ADSS1: variants seen among roughly 807,000 people sequenced by gnomAD.
ADSS1 encodes adenylosuccinate synthase 1, also known as adenylosuccinate synthetase isozyme 1.
ADSS1 carries 57 observed loss-of-function variants against 59.1 expected under a neutral mutation model. That is an observed-to-expected ratio of 0.97 (90% CI 0.78 to 1.20). ADSS1 has a LOEUF of 1.20. ADSS1 is among the 50% of genes most tolerant of loss of function. The probability of loss-of-function intolerance (pLI) is 0.00; values close to 1 mark genes in which losing one functional copy is unlikely to be tolerated. For missense variants in ADSS1, 603 were observed against 610.3 expected, an observed-to-expected ratio of 0.99 and a Z score of 0.13; for synonymous variants, 247 against 249.4, an observed-to-expected ratio of 0.99 and a Z score of 0.09.
rs928510188 is a variant in ADSS1, at chr14:104,744,823, C to T, written c.1085C>T (p.Thr362Met). 6 of 1,614,156 alleles carry T rather than the reference C, an allele frequency of 3.7e-6. No homozygotes were observed. Among genetic ancestry groups the T allele is most frequent in the South Asian group, 1.1e-5 (1 of 91,074 alleles). The change falls in exon 11 of 13, where the codon ACG becomes ATG. Residue 362 changes from threonine (T) to methionine (M), a missense_variant. Physicochemically the swap from Thr to Met is moderately conservative, Grantham distance 81. Coordinates refer to ENST00000330877, the MANE Select transcript of ADSS1 (RefSeq NM_152328.5). ...TTGGCTTTCCACAGGCTGGCCCTGA[C>T]GAAGCTGGACATCCTGGACGTACTG... The part of the protein sequence containing the change: ...MVNGFTALAL[T>M]KLDILDVLGE...
intron 2 of ADSS1, among the ~76,000 whole-genome samples, chr14:104,736,881 G>GACTATATATATATATATAT (rs1555378550): frequency 9.4e-6 from 1 of 106,588 alleles, no homozygotes; most frequent in African/African-American, 3.6e-5. Flanking sequence ...GCACCTAGCT[G>GACTATATATATATATATAT]ATATATATAT....
At chr14:104,742,638 G>A (rs1234916192) in intron 9 of ADSS1, among the ~76,000 whole-genome samples, 1 of 152,248 alleles carries the variant, frequency 6.6e-6, no homozygotes, top group Non-Finnish European at 1.5e-5. Flanking sequence ...GGGAGGGGCG[G>A]ACGCCATCCA....
intron 1 of ADSS1, among the ~76,000 whole-genome samples, chr14:104,728,716 C>T (rs1890791582): frequency 6.6e-6 from 1 of 152,208 alleles, no homozygotes; most frequent in South Asian, 2.1e-4. Flanking sequence ...AAAGCACCGC[C>T]GGCCTCCCCC....
chr14:104,742,957 C>A (rs878944816), intron 9 of ADSS1, 110 bp from the exon 10 acceptor site: 102 of 1,499,706 alleles, frequency 6.8e-5, no homozygotes, highest in Non-Finnish European at 8.7e-5. Flanking sequence ...GGAGGCGGGG[C>A]ACCCTCAGGG....
rs1009386029 is a variant in ADSS1 at position 104,724,557 on chromosome 14, A to C, written c.192+95A>C. On this transcript the variant is annotated intron_variant, in intron 1 of 12. Coordinates refer to ENST00000330877, the MANE Select transcript of ADSS1 (RefSeq NM_152328.5). ...CTGTCCTCCCATGCCCTGGCCGGTC[A>C]CTCACCCGCTTGGATGCCTTCCTTC... 3.0e-5 allele frequency: 36 copies of C among 1,195,378 alleles called. No individual in the cohort carries two copies. The African/African-American group carries it at 6.5e-4, about 22-fold the overall frequency. 74.0% of individuals were successfully genotyped at this position (1,195,378 alleles called of 1,614,324 possible).
chr14:104,747,029 G>T lies in ADSS1; in HGVS notation c.*26G>T. The T allele has an allele frequency of 6.2e-7, 1 of 1,603,208 alleles. No individual in the cohort carries two copies. The highest frequency in any genetic ancestry group is 1.3e-5 in the African/African-American group (1 of 74,864). ...TCACAGACTGAGCTGATCCCAACAG[G>T]CCCTGGCAGCGTCTGGACTTGTGTA... On this transcript the variant is annotated 3_prime_UTR_variant, in exon 13 of 13. Transcript: ENST00000330877.
Position 104,741,230 on chromosome 14 carries a change from C to G in ADSS1, c.780C>G (p.Leu260=), listed in dbSNP as rs549147233. 3 of 1,598,028 alleles carry G rather than the reference C, an allele frequency of 1.9e-6. No individual in the cohort carries two copies. The South Asian group carries it at 3.4e-5, about 18-fold the overall frequency. ...TGGAGGGTGCCAACGCCGCCCTCCT[C>G]GACATTGACTTCGGTATGTCCGGGA... ...ILVEGANAAL[L]DIDFGTYPFV... Residue 260 remains leucine, a synonymous_variant, in exon 8 of 13, where the codon CTC becomes CTG. Transcript: ENST00000330877.
intron 1 of ADSS1, among the ~76,000 whole-genome samples, chr14:104,728,010 C>G (rs970123443): frequency 1.3e-5 from 2 of 152,198 alleles, no homozygotes; most frequent in African/African-American, 4.8e-5. Flanking sequence ...AGCCAGTGTC[C>G]AGCCAGCAGA....
In ADSS1 at chr14:104,747,264, C is replaced by T. The variant is rs574233982; in HGVS notation, c.*261C>T. The T allele has an allele frequency of 6.6e-5, 22 of 333,672 alleles. No individual in the cohort carries two copies. Among genetic ancestry groups the T allele is most frequent in the African/African-American group, 1.0e-4 (5 of 47,926 alleles). 20.7% of individuals were successfully genotyped at this position (333,672 alleles called of 1,614,324 possible). On this transcript the variant is annotated 3_prime_UTR_variant, in exon 13 of 13. Transcript: ENST00000330877. The stretch of plus-strand genomic sequence containing the variant: ...ATGACACATTAGTGTCACATGGTTG[C>T]GTGTCCAGCCGAAGCAGTGTAATAA...
chr14:104,728,566 C>A (rs1890786044), intron 1 of ADSS1, among the ~76,000 whole-genome samples: 1 of 152,184 alleles, frequency 6.6e-6, no homozygotes. Flanking sequence ...TGGGTGAACC[C>A]ACTGCACCAC....
intron 10 of ADSS1, chr14:104,744,439 G>A (rs376797111): frequency 5.3e-6 from 1 of 188,760 alleles, no homozygotes; most frequent in East Asian, 1.4e-4. Context: ...TTTTCCCACA[G>A]ACAGGGCAGG....
chr14:104,746,037 C>A (rs1891542215), intron 11 of ADSS1, 199 bp from the exon 12 acceptor site: 4 of 596,692 alleles, frequency 6.7e-6, no homozygotes, highest in Non-Finnish European at 1.2e-5. Flanking sequence ...CGTGTAGTGT[C>A]TGAGCCCCAC....
intron 1 of ADSS1, among the ~76,000 whole-genome samples, chr14:104,728,577 A>C (rs934784403): frequency 3.3e-5 from 5 of 152,166 alleles, no homozygotes; most frequent in African/African-American, 1.2e-4. Flanking sequence ...ACTGCACCAC[A>C]CTGGTAGTCA....
chr14:104,744,961 GAATA>G (rs1891503145), intron 11 of ADSS1, 52 bp downstream of exon 11: 1 of 1,529,216 alleles, frequency 6.5e-7, no homozygotes, highest in Non-Finnish European at 9.0e-7. Context: ...CATGGTATTG[GAATA>G]GATAGGACCT....
chr14:104,733,646 G>A (rs1222895389), intron 1 of ADSS1, among the ~76,000 whole-genome samples: 1 of 152,190 alleles, frequency 6.6e-6, no homozygotes, highest in Non-Finnish European at 1.5e-5. Flanking sequence ...GCAGTGGGGT[G>A]TGGCTGGGAG....
In ADSS1 at chr14:104,742,932, G is replaced by T. The variant is rs562606925; in HGVS notation, c.949-135G>T. 1.1e-5 allele frequency: 14 copies of T among 1,318,716 alleles called. No homozygotes were observed. In the East Asian group the frequency reaches 3.3e-4, roughly 31 times the overall value. The allele number at this position is 1,318,716 out of a possible 1,614,324, so 81.7% of individuals were successfully genotyped here. A position where few individuals can be genotyped will look rare whatever the true frequency, so the allele number is the denominator to read the frequency against. On this transcript the variant is annotated intron_variant, in intron 9 of 12. Coordinates refer to ENST00000330877, the MANE Select transcript of ADSS1 (RefSeq NM_152328.5). Reference sequence around the variant, plus strand: ...GTGTGGGGATGTCCGGGAGCTGGATGTAAGGACTGTCGGTGGAGGCGGGGC... The same window carrying T: ...GTGTGGGGATGTCCGGGAGCTGGATTTAAGGACTGTCGGTGGAGGCGGGGC...
chr14:104,729,903 G>C, intron 1 of ADSS1: 1 of 1,527,920 alleles, frequency 6.5e-7, no homozygotes, highest in Non-Finnish European at 8.8e-7. Flanking sequence ...ATGGTGGGGA[G>C]GAGCTGTGGG....
chr14:104,740,601 T>C lies in ADSS1; in HGVS notation c.477T>C (p.Asn159=). 5 of 1,613,590 alleles carry C rather than the reference T, an allele frequency of 3.1e-6. No homozygotes were observed. The highest frequency in any genetic ancestry group is 3.4e-6 in the Non-Finnish European group (4 of 1,179,930). Residue 159 remains asparagine, a splice_region_variant and synonymous_variant, in exon 6 of 13, where the codon AAT becomes AAC. Transcript: ENST00000330877. This position sits in a 1 kb window ranked among gnomAD's most constrained non-coding sequence, Gnocchi z 4.8. ...EVQRQAQEGK[N]IGTTKKGIGP... is the part of the protein sequence containing the mutation. ...TGGGTACCCACTCCCCATCTTTCAG[T>C]ATAGGCACCACCAAGAAGGGAATCG... is the stretch of plus-strand genomic sequence containing the variant.
intron 1 of ADSS1, among the ~76,000 whole-genome samples, chr14:104,728,202 G>A (rs1261167113): frequency 2.0e-5 from 3 of 152,150 alleles, no homozygotes; most frequent in African/African-American, 7.2e-5. Context: ...AGGCTCCAGG[G>A]TGCACCAGAG....
Sources: allele counts gnomAD v4.1 joint callset (sites outside exome capture counted in the v4.1 genomes callset), GRCh38; gene constraint gnomAD v4.1.1; non-coding constraint Gnocchi (gnomAD v3.1); transcripts MANE v1.5; gene names NCBI Gene and HGNC (gene_info 2026-07-23, HGNC 2026-07-21).